The following DNAH12 variants were observed in gnomAD, a reference collection of about 807,000 sequenced individuals.
The protein encoded by DNAH12 is axonemal beta dynein heavy chain 12.
Under a neutral mutation model 371.5 loss-of-function variants are expected in DNAH12, and 285 were observed. The ratio of observed to expected loss-of-function variants is 0.77; its 90% confidence interval spans 0.70 to 0.85. The LOEUF (loss-of-function observed/expected upper bound fraction) is 0.85, where lower values mean the gene tolerates loss of function less well. Ranked by LOEUF, DNAH12 falls within the 40% of genes least tolerant of loss-of-function variation. DNAH12 has a pLI of 0.00. For synonymous variants in DNAH12, 1,200 were observed against 1,213.0 expected, an observed-to-expected ratio of 0.99 and a Z score of 0.22; for missense variants, 3,611 against 3,689.4, an observed-to-expected ratio of 0.98 and a Z score of 0.55.
At chr3:57,391,290 T>C (rs1185921075) in intron 45 of DNAH12, among the ~76,000 whole-genome samples, 1 of 152,172 alleles carries the variant, frequency 6.6e-6, no homozygotes, top group Non-Finnish European at 1.5e-5. Context: ...GGAACAAAAA[T>C]GCTGACCCTC....
intron 60 of DNAH12, among the ~76,000 whole-genome samples, chr3:57,342,484 C>CAAAAATAAA (rs2062425059): frequency 1.5e-5 from 1 of 66,038 alleles, no homozygotes; most frequent in African/African-American, 5.7e-5. Flanking sequence ...ACTAAAAATA[C>CAAAAATAAA]AAAAAAAAAA....
chr3:57,436,007 C>T (rs1302340531), intron 30 of DNAH12, among the ~76,000 whole-genome samples: 1 of 151,842 alleles, frequency 6.6e-6, no homozygotes, highest in Non-Finnish European at 1.5e-5. Flanking sequence ...AGTATTTTCT[C>T]TATTGCCCAC....
At chr3:57,477,812 AG>A (rs1428621808) in intron 13 of DNAH12, among the ~76,000 whole-genome samples, 2 of 152,194 alleles carry the variant, frequency 1.3e-5, no homozygotes, top group Non-Finnish European at 2.9e-5. Flanking sequence ...CCAGGCAAAC[AG>A]GGTCTGGAGT....
rs779514600 is a variant in DNAH12 at position 57,523,896 on chromosome 3, A to G, written c.171-12T>C. 1.3e-6 allele frequency: 2 copies of G among 1,565,436 alleles called. No homozygotes were observed. The highest frequency in any genetic ancestry group is 1.7e-6 in the Non-Finnish European group (2 of 1,148,718). ...TGGCTCCATCAATTCTGAAATTTAT[A>G]GTTAGAAATATGACTCTCTTGATAA... On this transcript the variant is annotated splice_polypyrimidine_tract_variant and intron_variant, in intron 2 of 73. Transcript: ENST00000495027.
chr3:57,406,079 G>A (rs770839085), intron 40 of DNAH12, 127 bp from the exon 41 acceptor site: 73 of 1,005,160 alleles, frequency 7.3e-5, no homozygotes, highest in African/African-American at 2.8e-4. Context: ...GGCTGGGCGC[G>A]GTGGCTCACA....
chr3:57,378,936 C>T (rs1317083348), intron 52 of DNAH12, among the ~76,000 whole-genome samples: 2 of 152,174 alleles, frequency 1.3e-5, no homozygotes, highest in Non-Finnish European at 2.9e-5. Context: ...ATGATCCCTG[C>T]TCCTGCATCA....
intron 36 of DNAH12, 33 bp from the exon 37 acceptor site, chr3:57,419,551 A>ACC (rs1453460124): frequency 2.2e-6 from 3 of 1,378,152 alleles, no homozygotes. Context: ...AAATATTAAA[A>ACC]CCATGTACTT....
chr3:57,402,487 C>G, intron 43 of DNAH12: 1 of 1,233,544 alleles, frequency 8.1e-7, no homozygotes, highest in Non-Finnish European at 1.1e-6. Flanking sequence ...ACATCATCAT[C>G]AGGTTCATGG....
At chr3:57,479,243 A>G (rs1219557921) in intron 13 of DNAH12, among the ~76,000 whole-genome samples, 2 of 152,174 alleles carry the variant, frequency 1.3e-5, no homozygotes, top group Non-Finnish European at 2.9e-5. Flanking sequence ...AAGCAAATGG[A>G]AAACAAAAAA....
upstream of DNAH12, among the ~76,000 whole-genome samples, chr3:57,549,313 C>T (rs148867569): frequency 1.2e-4 from 19 of 152,110 alleles, no homozygotes; most frequent in Non-Finnish European, 2.4e-4. Context: ...GTCAGGAGTT[C>T]GAGACCAGCC....
chr3:57,357,598 G>T (rs1357753090), intron 58 of DNAH12, among the ~76,000 whole-genome samples: 4 of 152,006 alleles, frequency 2.6e-5, no homozygotes, highest in African/African-American at 9.7e-5. Context: ...GAGGAAAAAA[G>T]AAAAAACAAG....
chr3:57,309,593 G>C (rs2061545061), intron 68 of DNAH12, 73 bp downstream of exon 68: 2 of 1,303,234 alleles, frequency 1.5e-6, no homozygotes, highest in South Asian at 2.0e-5. Context: ...GCTAGTACAT[G>C]GAGTTTTCAG....
intron 4 of DNAH12, among the ~76,000 whole-genome samples, chr3:57,511,418 C>A (rs924844317): frequency 2.0e-5 from 3 of 152,092 alleles, no homozygotes; most frequent in African/African-American, 7.2e-5. Context: ...TTCATAAATT[C>A]TCCCATAAGA....
At chr3:57,361,445 T>TATAC in intron 58 of DNAH12, among the ~76,000 whole-genome samples, 1 of 46,234 alleles carries the variant, frequency 2.2e-5, no homozygotes. Flanking sequence ...ACACACACAC[T>TATAC]ATATATATAT....
intron 11 of DNAH12, among the ~76,000 whole-genome samples, chr3:57,499,298 G>A (rs568922134): frequency 1.3e-5 from 2 of 151,946 alleles, no homozygotes. Context: ...TGATGGTTAC[G>A]TAAGTGTACA....
intron 35 of DNAH12, among the ~76,000 whole-genome samples, 194 bp from the exon 36 acceptor site, chr3:57,421,900 G>GTTTTTTTTTTTTTTTT (rs1383551758): frequency 9.2e-5 from 9 of 97,690 alleles, no homozygotes; most frequent in African/African-American, 3.6e-4. Flanking sequence ...ATGTTTGCAT[G>GTTTTTTTTTTTTTTTT]TCTTTTTTTT....
chr3:57,339,646 CTAATAT>C (rs1326641950), intron 60 of DNAH12, among the ~76,000 whole-genome samples: 1 of 151,802 alleles, frequency 6.6e-6, no homozygotes, highest in Non-Finnish European at 1.5e-5. Context: ...TTCAATTGAA[CTAATAT>C]TAAGTATCTT....
At chr3:57,409,853 C>T (rs1186257239) in intron 39 of DNAH12, among the ~76,000 whole-genome samples, 5 of 152,102 alleles carry the variant, frequency 3.3e-5, no homozygotes, top group African/African-American at 9.7e-5. Flanking sequence ...ATGTGAGAAA[C>T]TAACCATATC....
chr3:57,361,185 AC>A (rs1283481391), intron 58 of DNAH12, among the ~76,000 whole-genome samples: 2 of 151,574 alleles, frequency 1.3e-5, no homozygotes, highest in African/African-American at 4.9e-5. Context: ...CCCTGTCTCT[AC>A]TAAAAATACA....
Sources: gnomAD v4.1 joint callset for allele counts (sites outside exome capture counted in the v4.1 genomes callset) on GRCh38, gnomAD v4.1.1 for gene constraint, MANE v1.5 for transcripts, NCBI Gene and HGNC (gene_info 2026-07-23, HGNC 2026-07-21) for gene names.